Variants in AZGP1 observed in about 807,000 individuals in gnomAD.
The protein encoded by AZGP1 is alpha-2-glycoprotein 1, zinc-binding.
In AZGP1, 28 loss-of-function variants were observed where a neutral mutation model predicts 31.5. That is an observed-to-expected ratio of 0.89 (90% CI 0.66 to 1.22). The LOEUF is 1.22. AZGP1 is among the 50% of genes most tolerant of loss of function. The probability of loss-of-function intolerance (pLI) is 0.00; values close to 1 mark genes in which losing one functional copy is unlikely to be tolerated. For missense variants in AZGP1, 361 were observed against 371.8 expected (o/e 0.97, Z 0.24); for synonymous variants, 135 against 145.4 (o/e 0.93, Z 0.51).
chr7:99,967,897 T>C (rs369215719), intron 3 of AZGP1: 1 of 608,510 alleles, frequency 1.6e-6, no homozygotes, highest in Non-Finnish European at 2.9e-6. Context: ...TCCTTGTCTG[T>C]TAATTGGAGA....
rs1789539122 is a variant in AZGP1, at chr7:99,969,035, AG to A, written c.338-606del. Among the ~76,000 whole-genome samples the A allele has an allele frequency of 7.6e-5, 11 of 145,198 alleles. No individual in the cohort carries two copies. In the Admixed American group the frequency reaches 7.7e-4, roughly 10 times the overall value. ...ACACTTGTAATCCCAGCACTTTGAG[AG>A]GCTGAGGAGGATGGATCACCTTAGG... On this transcript the variant is annotated intron_variant, in intron 2 of 3. Transcript: ENST00000292401.
Position 99,968,322 on chromosome 7 carries a change from T to G in AZGP1, c.446A>C (p.Lys149Thr). 6.2e-7 allele frequency: 1 copy of G among 1,613,670 alleles called. No homozygotes were observed. Among genetic ancestry groups the G allele is most frequent in the Non-Finnish European group, 8.5e-7 (1 of 1,179,926 alleles). The change falls in exon 3 of 4, where the codon AAA (lysine) becomes ACA (threonine). Residue 149 changes from lysine (K) to threonine (T), a missense_variant. Lys to Thr is a moderately conservative substitution (Grantham distance 78, BLOSUM62 -1). Coordinates refer to ENST00000292401, the MANE Select transcript of AZGP1 (RefSeq NM_001185.4). ...GAAGGGGACCCAGGCTGGGATTTCT[T>G]TGTTGAATTCAATGTAGTCCTTTCC... The part of the protein sequence containing the change: ...YDGKDYIEFN[K>T]EIPAWVPFDP...
At chr7:99,968,988 A>AAAAAAAAAAAAC (rs1789538323) in intron 2 of AZGP1, among the ~76,000 whole-genome samples, 1 of 149,038 alleles carries the variant, frequency 6.7e-6, no homozygotes, top group South Asian at 2.1e-4. Flanking sequence ...AAAAAAAAAA[A>AAAAAAAAAAAAC]AAGCACCAGG....
intron 3 of AZGP1, 49 bp from the exon 4 acceptor site, chr7:99,967,335 C>T (rs759326708): frequency 2.3e-5 from 36 of 1,575,612 alleles, no homozygotes; most frequent in Middle Eastern, 2.3e-4. Context: ...GGACTTCTCC[C>T]GGCCCAGGTC....
chr7:99,969,494 C>G (rs957077300), intron 2 of AZGP1, among the ~76,000 whole-genome samples: 1 of 151,786 alleles, frequency 6.6e-6, no homozygotes, highest in African/African-American at 2.4e-5. Context: ...GCAGGAGAAT[C>G]CCTTGAACCC....
At position 99,968,962 on chromosome 7, in the gene AZGP1, C is replaced by CAAAAAAAAAAAA. The variant is rs869115613; in HGVS notation, c.338-544_338-533dup. On this transcript the variant is annotated intron_variant, in intron 2 of 3. Coordinates refer to ENST00000292401, the MANE Select transcript of AZGP1 (RefSeq NM_001185.4). ...TGGGTGACAGAGTGAGACCCTATCT[C>CAAAAAAAAAAAA]AAAAAAAAAAAAAAAAAAAAAAAAA... Among the ~76,000 whole-genome samples, 72 of 26,700 alleles carry CAAAAAAAAAAAA rather than the reference C, an allele frequency of 2.7e-3. 29 individuals carry two copies. The highest frequency in any genetic ancestry group is 7.0e-3 in the South Asian group (2 of 286). The allele number at this position is 26,700 out of a possible 152,430, so 17.5% of individuals were successfully genotyped here.
At position 99,967,068 on chromosome 7, in the gene AZGP1, A is replaced by T. The variant is rs1229066051; in HGVS notation, c.832T>A (p.Tyr278Asn). The change falls in exon 4 of 4, where the codon TAC becomes AAC. Residue 278 changes from tyrosine to asparagine, a missense_variant. By Grantham distance (143) the Tyr-to-Asn change is moderately radical. Transcript: ENST00000292401. ...VAVPPQDTAP[Y>N]SCHVQHSSLA... is the part of the protein sequence containing the mutation. ...CTGCTGTGCTGCACGTGGCAGGAGT[A>T]GGGGGCTGTGTCCTGCGGGGGCACT... The T allele has an allele frequency of 6.2e-7, 1 of 1,614,080 alleles. No individual in the cohort carries two copies. The highest frequency in any genetic ancestry group is 8.5e-7 in the Non-Finnish European group (1 of 1,180,038).
At chr7:99,971,467 T>C (rs1259309970) in intron 2 of AZGP1, 4 of 389,060 alleles carry the variant, frequency 1.0e-5, no homozygotes, top group Admixed American at 4.2e-5. Context: ...GGGTGGGGTG[T>C]GGAGGTGAGA....
In AZGP1 at chr7:99,967,100, A is replaced by G. The variant is rs1789493892; in HGVS notation, c.800T>C (p.Val267Ala). The change falls in exon 4 of 4, where the codon GTG (valine) becomes GCG (alanine). Residue 267 changes from valine to alanine, a missense_variant. Val to Ala is a moderately conservative substitution (Grantham distance 64). Coordinates refer to ENST00000292401, the MANE Select transcript of AZGP1 (RefSeq NM_001185.4). ...TGTGTCCTGCGGGGGCACTGCCACC[A>G]CCACCCAGGACTGGTAAGTGCCATT... ...NGNGTYQSWV[V>A]VAVPPQDTAP... 6.2e-7 allele frequency: 1 copy of G among 1,614,160 alleles called. No homozygotes were observed. The highest frequency in any genetic ancestry group is 1.1e-5 in the South Asian group (1 of 91,088).
chr7:99,967,078 G>T lies in AZGP1; in HGVS notation c.822C>A (p.Asp274Glu). 2 of 1,614,204 alleles carry T rather than the reference G, an allele frequency of 1.2e-6. No individual in the cohort carries two copies. Among genetic ancestry groups the T allele is most frequent in the East Asian group, 4.5e-5 (2 of 44,876 alleles). Residue 274 changes from aspartate to glutamate, a missense_variant, in exon 4 of 4, where the codon GAC becomes GAA. By Grantham distance (45) the Asp-to-Glu change is conservative. Transcript: ENST00000292401. ...GCACGTGGCAGGAGTAGGGGGCTGT[G>T]TCCTGCGGGGGCACTGCCACCACCA... is the stretch of plus-strand genomic sequence containing the variant. ...SWVVVAVPPQ[D>E]TAPYSCHVQH... is the part of the protein sequence containing the mutation.
chr7:99,968,961 T>TAAAAAAA (rs1562797511), intron 2 of AZGP1, among the ~76,000 whole-genome samples: 1 of 1,388 alleles, frequency 7.2e-4, no homozygotes, highest in African/African-American at 2.9e-3. Context: ...AGACCCTATC[T>TAAAAAAA]CAAAAAAAAA....
intron 3 of AZGP1, 159 bp from the exon 4 acceptor site, chr7:99,967,445 G>A (rs1789503452): frequency 7.5e-6 from 6 of 800,364 alleles, no homozygotes; most frequent in African/African-American, 3.5e-5. Context: ...TATCAGGGAA[G>A]GCTGACGCTT....
chr7:99,967,363 C>A, intron 3 of AZGP1, 77 bp from the exon 4 acceptor site: 1 of 1,490,840 alleles, frequency 6.7e-7, no homozygotes, highest in Non-Finnish European at 9.1e-7. Context: ...ACCCCCACCC[C>A]TGGATGTCAG....
intron 2 of AZGP1, 122 bp downstream of exon 2, chr7:99,971,624 G>C: frequency 1.6e-6 from 2 of 1,260,928 alleles, no homozygotes; most frequent in Non-Finnish European, 2.2e-6. Context: ...TGTTTCTGCT[G>C]TGTCTCCTGT....
At chr7:99,972,059 G>A (rs1387717596) in intron 1 of AZGP1, 53 bp from the exon 2 acceptor site, 9 of 1,535,168 alleles carry the variant, frequency 5.9e-6, no homozygotes, top group Non-Finnish European at 7.9e-6. Flanking sequence ...TCCCACTGTG[G>A]GGCTGCATAG....
intron 2 of AZGP1, 36 bp from the exon 3 acceptor site, chr7:99,968,466 G>A: frequency 6.3e-7 from 1 of 1,595,328 alleles, no homozygotes; most frequent in East Asian, 2.2e-5. Flanking sequence ...GAGACAGTCA[G>A]CCTGGTGAGA....
intron 2 of AZGP1, among the ~76,000 whole-genome samples, chr7:99,970,701 A>T (rs576535482): frequency 2.0e-5 from 3 of 151,382 alleles, no homozygotes; most frequent in African/African-American, 7.3e-5. Flanking sequence ...AGCCTGGGCC[A>T]TTTTCCTTAC....
At chr7:99,971,646 G>A in intron 2 of AZGP1, 100 bp downstream of exon 2, 1 of 1,408,124 alleles carries the variant, frequency 7.1e-7, no homozygotes, top group Non-Finnish European at 9.7e-7. Flanking sequence ...CTTCCCCTGG[G>A]ATTGGGACTA....
At chr7:99,970,898 G>C (rs959824473) in intron 2 of AZGP1, among the ~76,000 whole-genome samples, 11 of 152,310 alleles carry the variant, frequency 7.2e-5, no homozygotes, top group Middle Eastern at 3.4e-3. Context: ...CCTTGGGGCT[G>C]GCAGTGTGGT....
Sources: allele counts gnomAD v4.1 joint callset (sites outside exome capture counted in the v4.1 genomes callset), GRCh38; gene constraint gnomAD v4.1.1; transcripts MANE v1.5; gene names NCBI Gene and HGNC (gene_info 2026-07-23, HGNC 2026-07-21).